RIMS2: variants seen among roughly 807,000 people sequenced by gnomAD.
RIMS2 encodes regulating synaptic membrane exocytosis 2, also known as regulating synaptic membrane exocytosis protein 2.
In RIMS2, 59 loss-of-function variants were observed where a neutral mutation model predicts 174.4. The ratio of observed to expected loss-of-function variants is 0.34; its 90% CI spans 0.27 to 0.42. The LOEUF (loss-of-function observed/expected upper bound fraction) is 0.42. RIMS2 is among the 10% of genes least tolerant of loss of function. RIMS2 has a pLI of 1.00. For missense variants in RIMS2, 1,620 were observed against 1,666.3 expected (o/e 0.97, Z 0.48); for synonymous variants, 606 against 572.5 (o/e 1.06, Z -0.84).
rs1288299195 is a variant in RIMS2, at chr8:103,667,047, C to T, written c.177-30039C>T. Among the ~76,000 whole-genome samples, 4 of 152,176 alleles carry T rather than the reference C, an allele frequency of 2.6e-5. No individual in the cohort carries two copies. The East Asian group carries it at 7.7e-4, about 29-fold the overall frequency. On this transcript the variant is annotated intron_variant, in intron 1 of 23. Coordinates refer to ENST00000504942, the Ensembl canonical transcript of RIMS2. ...TATTATGACTGTCAGGAGGATAATACCAAGAGTTTGGAGTATGCCTTAGCT... is the reference window on the plus strand; with the variant it reads ...TATTATGACTGTCAGGAGGATAATATCAAGAGTTTGGAGTATGCCTTAGCT...
intron 19 of RIMS2, among the ~76,000 whole-genome samples, chr8:104,199,661 G>T (rs1037014854): frequency 1.3e-5 from 2 of 152,188 alleles, no homozygotes; most frequent in Non-Finnish European, 2.9e-5. Context: ...GGGATTCAGA[G>T]AGCTGGTGGA....
chr8:104,170,703 G>C (rs1329492400), intron 19 of RIMS2, among the ~76,000 whole-genome samples: 1 of 151,802 alleles, frequency 6.6e-6, no homozygotes, highest in Non-Finnish European at 1.5e-5. Context: ...CATCATATTA[G>C]CTGTTACCTA....
chr8:103,638,862 G>A (rs2096155457), intron 1 of RIMS2, among the ~76,000 whole-genome samples: 1 of 151,942 alleles, frequency 6.6e-6, no homozygotes, highest in African/African-American at 2.4e-5. Flanking sequence ...ATATAAACTT[G>A]TGTAGACACA....
At chr8:103,680,484 G>C (rs1310670946) in intron 1 of RIMS2, among the ~76,000 whole-genome samples, 3 of 151,930 alleles carry the variant, frequency 2.0e-5, no homozygotes, top group African/African-American at 4.8e-5. Context: ...AGATTGTTCT[G>C]TTTTGTTTTG....
At chr8:104,089,239 T>C (rs1030240701) in intron 19 of RIMS2, among the ~76,000 whole-genome samples, 4 of 152,084 alleles carry the variant, frequency 2.6e-5, no homozygotes, top group African/African-American at 9.6e-5. Context: ...ATGTATTGTA[T>C]AGTGCCAAGA....
chr8:103,673,496 A>G (rs1460605956), intron 1 of RIMS2, among the ~76,000 whole-genome samples: 2 of 152,208 alleles, frequency 1.3e-5, no homozygotes, highest in Non-Finnish European at 2.9e-5. Flanking sequence ...TGCAATCTTA[A>G]TACTATGTGG....
intron 19 of RIMS2, among the ~76,000 whole-genome samples, chr8:104,141,689 T>G (rs2098576778): frequency 6.6e-6 from 1 of 152,244 alleles, no homozygotes; most frequent in Admixed American, 6.5e-5. Flanking sequence ...TCATTCCATT[T>G]ATATTTAGTT....
At chr8:103,910,787 G>A (rs562065492) in intron 5 of RIMS2, among the ~76,000 whole-genome samples, 14 of 152,180 alleles carry the variant, frequency 9.2e-5, no homozygotes, top group African/African-American at 3.1e-4. Flanking sequence ...TAGGAACAAA[G>A]GAATGTTTTG....
At chr8:104,038,841 T>C (rs1470687332) in intron 19 of RIMS2, among the ~76,000 whole-genome samples, 1 of 151,830 alleles carries the variant, frequency 6.6e-6, no homozygotes, top group African/African-American at 2.4e-5. Flanking sequence ...ACTATAGTTA[T>C]ATATTGAGAT....
intron 1 of RIMS2, among the ~76,000 whole-genome samples, chr8:103,581,514 C>A (rs1178480234): frequency 3.4e-5 from 5 of 148,688 alleles, no homozygotes; most frequent in Admixed American, 6.6e-5. Flanking sequence ...CCCCAGCTAA[C>A]ATCATACTGA....
intron 2 of RIMS2, among the ~76,000 whole-genome samples, chr8:103,712,144 G>A (rs544881650): frequency 5.7e-4 from 85 of 148,744 alleles, no homozygotes; most frequent in African/African-American, 1.8e-3. Flanking sequence ...GGTGCACACC[G>A]CCTCACCCGC....
At chr8:104,057,838 G>A (rs1032007190) in intron 19 of RIMS2, among the ~76,000 whole-genome samples, 44 of 150,086 alleles carry the variant, frequency 2.9e-4, no homozygotes, top group South Asian at 2.8e-3. Flanking sequence ...TTGTCCTTGC[G>A]ATAGTTTACT....
intron 19 of RIMS2, among the ~76,000 whole-genome samples, chr8:104,025,167 T>A (rs2096221771): frequency 6.6e-6 from 1 of 152,164 alleles, no homozygotes; most frequent in Non-Finnish European, 1.5e-5. Context: ...TTAAAATAAC[T>A]TGGTATGTTA....
intron 19 of RIMS2, among the ~76,000 whole-genome samples, chr8:104,239,032 G>A (rs2099273369): frequency 6.6e-6 from 1 of 152,170 alleles, no homozygotes; most frequent in South Asian, 2.1e-4. Flanking sequence ...CAGTAGATGA[G>A]ACCTTGCAGG....
chr8:103,939,285 T>A (rs1215983656), intron 13 of RIMS2, among the ~76,000 whole-genome samples: 4 of 152,232 alleles, frequency 2.6e-5, no homozygotes, highest in Non-Finnish European at 5.9e-5. Context: ...CAAATCCCAA[T>A]TCTTGACTTC....
chr8:103,658,448 A>C (rs890319111), intron 1 of RIMS2, among the ~76,000 whole-genome samples: 49 of 152,362 alleles, frequency 3.2e-4, no homozygotes, highest in African/African-American at 1.1e-3. Context: ...AAGGAGGAGC[A>C]GAGATACCAG....
exon 8 of RIMS2, chr8:103,916,510 T>C: frequency 6.2e-7 from 1 of 1,610,376 alleles, no homozygotes; most frequent in Non-Finnish European, 8.5e-7. Context: ...GAACCACAAG[T>C]AGAACTTGTA....
rs1036592085 is a variant in RIMS2 at position 104,015,936 on chromosome 8, C to T, written c.3334+1321C>T. 2.4e-4 allele frequency among the ~76,000 whole-genome samples: 37 copies of T among 151,982 alleles called. 1 individual carries two copies. The highest frequency in any genetic ancestry group is 2.1e-4 in the Non-Finnish European group (14 of 67,922). On this transcript the variant is annotated intron_variant, in intron 19 of 23. Coordinates refer to ENST00000504942, the Ensembl canonical transcript of RIMS2. ...TGAATTAGAAAGTGATTGTGGCTTG[C>T]GTTTCCAACATCATTTTTCATGTTG...
At chr8:104,078,665 T>C (rs1253781416) in intron 19 of RIMS2, among the ~76,000 whole-genome samples, 2 of 152,220 alleles carry the variant, frequency 1.3e-5, no homozygotes, top group African/African-American at 4.8e-5. Flanking sequence ...CTCTACAAAG[T>C]AGCTAATGAT....
Sources: allele counts gnomAD v4.1 joint callset (sites outside exome capture counted in the v4.1 genomes callset), GRCh38; gene constraint gnomAD v4.1.1; transcripts MANE v1.5; gene names NCBI Gene and HGNC (gene_info 2026-07-23, HGNC 2026-07-21).